The following FANK1 variants were observed in gnomAD, a reference collection of about 807,000 sequenced individuals.
The protein encoded by FANK1 is fibronectin type III and ankyrin repeat domains 1, also known as fibronectin type 3 and ankyrin repeat domains protein 1.
In FANK1, 44 loss-of-function variants were observed where a neutral mutation model predicts 45.3. That is an observed-to-expected ratio of 0.97 (90% CI 0.76 to 1.25). The LOEUF (loss-of-function observed/expected upper bound fraction) is 1.25, where lower values mean the gene tolerates loss of function less well. Among genes scored for constraint, FANK1 ranks in the 50% most tolerant of loss-of-function variants. The pLI, the probability that FANK1 is intolerant of heterozygous loss-of-function variation, is 0.00. For missense variants in FANK1, 391 were observed against 424.4 expected, an observed-to-expected ratio of 0.92 and a Z score of 0.69; for synonymous variants, 149 against 152.5, an observed-to-expected ratio of 0.98 and a Z score of 0.17.
chr10:125,902,552 G>A (rs1945130870), intron 1 of FANK1, among the ~76,000 whole-genome samples: 1 of 152,254 alleles, frequency 6.6e-6, no homozygotes, highest in African/African-American at 2.4e-5. Context: ...TGTGGATTGT[G>A]CTTTGGGTAA....
At chr10:125,968,500 G>A (rs975401635) in intron 1 of FANK1, among the ~76,000 whole-genome samples, 1 of 152,018 alleles carries the variant, frequency 6.6e-6, no homozygotes, top group African/African-American at 2.4e-5. Context: ...CTGCTTTAAG[G>A]TGTTCTGTTT....
chr10:126,001,337 A>G (rs1220298867), intron 6 of FANK1, among the ~76,000 whole-genome samples: 2 of 152,232 alleles, frequency 1.3e-5, no homozygotes, highest in Non-Finnish European at 2.9e-5. Context: ...TTAAGTAAAC[A>G]GGGAAGTATA....
At chr10:125,981,384 T>C (rs528796367) in intron 2 of FANK1, among the ~76,000 whole-genome samples, 13 of 151,562 alleles carry the variant, frequency 8.6e-5, no homozygotes, top group African/African-American at 3.2e-4. Flanking sequence ...GGCTTATGCC[T>C]GTAGTCCCGG....
At chr10:125,928,132 G>A (rs61870920) in intron 1 of FANK1, among the ~76,000 whole-genome samples, 1 of 151,950 alleles carries the variant, frequency 6.6e-6, no homozygotes, top group East Asian at 1.9e-4. Context: ...AGTGATAGCA[G>A]GTTTATTAAG....
chr10:125,987,612 G>A (rs1951651733), intron 2 of FANK1, among the ~76,000 whole-genome samples: 1 of 152,096 alleles, frequency 6.6e-6, no homozygotes, highest in Admixed American at 6.6e-5. Context: ...TTTGAAAAGG[G>A]ATACATGGAG....
At chr10:125,915,198 C>T (rs1473944549) in intron 1 of FANK1, among the ~76,000 whole-genome samples, 1 of 152,164 alleles carries the variant, frequency 6.6e-6, no homozygotes, top group Non-Finnish European at 1.5e-5. Context: ...ATGGCGTTAA[C>T]TCACCTGTGC....
chr10:126,006,823 G>A (rs187424525), intron 7 of FANK1, among the ~76,000 whole-genome samples: 1 of 152,338 alleles, frequency 6.6e-6, no homozygotes, highest in East Asian at 1.9e-4. Context: ...TTGTGCCACT[G>A]CACTCCAGCC....
chr10:126,004,350 T>A (rs1953016586), intron 6 of FANK1: 1 of 152,270 alleles, frequency 6.6e-6, no homozygotes, highest in Admixed American at 6.5e-5. Flanking sequence ...CACTATTCAT[T>A]TTTTATTGAG....
chr10:125,908,565 A>G lies in FANK1; in HGVS notation c.13+11910A>G, dbSNP rs183938154. Among the ~76,000 whole-genome samples, 3 of 152,264 alleles carry G rather than the reference A, an allele frequency of 2.0e-5. No individual in the cohort carries two copies. In the East Asian group the frequency reaches 5.8e-4, roughly 29 times the overall value. Reference sequence around the variant, plus strand: ...AGCAAAGCTATGAAGATGCAAAGGCATAAGAATGATACAATTGACTTGGGG... The same window carrying G: ...AGCAAAGCTATGAAGATGCAAAGGCGTAAGAATGATACAATTGACTTGGGG... On this transcript the variant is annotated intron_variant, in intron 1 of 10. Transcript: ENST00000368693.
intron 1 of FANK1, among the ~76,000 whole-genome samples, chr10:125,917,474 T>C (rs1274894616): frequency 6.6e-6 from 1 of 152,198 alleles, no homozygotes; most frequent in Admixed American, 6.5e-5. Flanking sequence ...AGTCCTCTGA[T>C]AATATAAAAC....
In FANK1 at chr10:125,989,418, G is replaced by A. The variant is rs201413814; in HGVS notation, c.316+743G>A. On this transcript the variant is annotated intron_variant, in intron 3 of 10. Coordinates refer to ENST00000368693, the MANE Select transcript of FANK1 (RefSeq NM_145235.5). ...CTTTTGTGAGTAAAGCTCTTTTTCC[G>A]TTTTATTCCAGGTAGCATTTGGCTT... 1.4e-4 allele frequency: 202 copies of A among 1,483,728 alleles called. 1 individual carries two copies. The highest frequency in any genetic ancestry group is 6.8e-4 in the Middle Eastern group (4 of 5,854). The allele number at this position is 1,483,728 out of a possible 1,614,324, so 91.9% of individuals were successfully genotyped here. A position where few individuals can be genotyped will look rare whatever the true frequency, so the allele number is the denominator to read the frequency against.
intron 1 of FANK1, among the ~76,000 whole-genome samples, chr10:125,962,989 T>G (rs904378603): frequency 1.7e-4 from 11 of 63,528 alleles, no homozygotes; most frequent in South Asian, 1.1e-3. Context: ...TTACTGTGGT[T>G]TTTTTTTTTT....
At position 125,941,845 on chromosome 10, in the gene FANK1, A is replaced by G. The variant is rs192276322; in HGVS notation, c.14-38316A>G. 6.6e-5 allele frequency among the ~76,000 whole-genome samples: 10 copies of G among 152,388 alleles called. No homozygotes were observed. The East Asian group carries it at 1.9e-3, about 29-fold the overall frequency. ...AGCATTGTAGCAGCAAAGCCAAACA[A>G]TACGGAAGAATTCATATTACAATGT... On this transcript the variant is annotated intron_variant, in intron 1 of 10. Coordinates refer to ENST00000368693, the MANE Select transcript of FANK1 (RefSeq NM_145235.5).
At chr10:125,914,289 A>ATATATATATATATATATG (rs1356503815) in intron 1 of FANK1, among the ~76,000 whole-genome samples, 2 of 150,786 alleles carry the variant, frequency 1.3e-5, no homozygotes, top group African/African-American at 4.9e-5. Context: ...CCATATATAT[A>ATATATATATATATATATG]TATTTAAAAA....
chr10:125,937,064 C>T (rs571816801), intron 1 of FANK1, among the ~76,000 whole-genome samples: 39 of 151,342 alleles, frequency 2.6e-4, no homozygotes, highest in African/African-American at 7.5e-4. Context: ...AGCCAAACTC[C>T]GTCTCAAAAA....
At chr10:125,914,757 T>C (rs1417475810) in intron 1 of FANK1, among the ~76,000 whole-genome samples, 1 of 152,158 alleles carries the variant, frequency 6.6e-6, no homozygotes, top group Non-Finnish European at 1.5e-5. Context: ...AGCTGTAGTC[T>C]CCTAGTTTGT....
intron 1 of FANK1, chr10:125,907,511 G>T: frequency 3.0e-6 from 3 of 985,186 alleles, no homozygotes; most frequent in Non-Finnish European, 3.6e-6. Flanking sequence ...ACGTGAGTAG[G>T]ATCTGTGACT....
chr10:125,984,294 C>G (rs1022364894), intron 2 of FANK1, among the ~76,000 whole-genome samples: 4 of 152,204 alleles, frequency 2.6e-5, no homozygotes, highest in Admixed American at 1.3e-4. Context: ...GGGGAGAGAG[C>G]ATGGCATGCT....
intron 1 of FANK1, among the ~76,000 whole-genome samples, chr10:125,959,915 G>A (rs1949813522): frequency 6.6e-6 from 1 of 152,072 alleles, no homozygotes. Context: ...GACGTATCTG[G>A]TGGTAAGGTT....
Sources: allele counts gnomAD v4.1 joint callset (sites outside exome capture counted in the v4.1 genomes callset), GRCh38; gene constraint gnomAD v4.1.1; transcripts MANE v1.5; gene names NCBI Gene and HGNC (gene_info 2026-07-23, HGNC 2026-07-21).